UNC5C: variants seen among roughly 807,000 people sequenced by gnomAD.
The protein encoded by UNC5C is unc-5 netrin receptor C.
UNC5C carries 47 observed loss-of-function variants against 99.8 expected under a neutral mutation model. The observed-to-expected ratio is 0.47, with a 90% confidence interval of 0.37 to 0.60. The LOEUF is 0.60. Ranked by LOEUF, UNC5C falls within the 20% of genes least tolerant of loss-of-function variation. The pLI is 0.00. For missense variants in UNC5C, 1,062 were observed against 1,165.9 expected (o/e 0.91, Z 1.30); for synonymous variants, 487 against 452.2 (o/e 1.08, Z -0.98).
At position 95,398,255 on chromosome 4, in the gene UNC5C, G is replaced by A. The variant is rs75041809; in HGVS notation, c.125-62624C>T. 7.9e-5 allele frequency among the ~76,000 whole-genome samples: 12 copies of A among 151,976 alleles called. No individual in the cohort carries two copies. In the East Asian group the frequency reaches 2.3e-3, roughly 29 times the overall value. On this transcript the variant is annotated intron_variant, in intron 1 of 15. Coordinates refer to ENST00000453304, the MANE Select transcript of UNC5C (RefSeq NM_003728.4). ...ATATCTTCCCAGAATATTATGGAAA[G>A]GTATCCTCTATTGCTGAATAATTGA... is the stretch of plus-strand genomic sequence containing the variant.
chr4:95,192,691 C>T (rs1360123005), intron 12 of UNC5C, among the ~76,000 whole-genome samples: 1 of 151,272 alleles, frequency 6.6e-6, no homozygotes, highest in Non-Finnish European at 1.5e-5. Context: ...GTTCACCCTC[C>T]TCCCCTGCTC....
At chr4:95,198,178 GGGGTTTCACCATGTT>G (rs1268146403) in intron 12 of UNC5C, among the ~76,000 whole-genome samples, 2 of 151,884 alleles carry the variant, frequency 1.3e-5, no homozygotes, top group Admixed American at 1.3e-4. Flanking sequence ...CAGTAGAGAC[GGGGTTTCACCATGTT>G]GGCCAGGCTG....
At chr4:95,245,223 A>C in intron 5 of UNC5C, 79 bp from the exon 6 acceptor site, 1 of 1,393,430 alleles carries the variant, frequency 7.2e-7, no homozygotes, top group African/African-American at 1.5e-5. Context: ...AACAGACACA[A>C]TATGTAAACA....
At chr4:95,334,584 T>G (rs1480455270) in intron 2 of UNC5C, among the ~76,000 whole-genome samples, 2 of 151,970 alleles carry the variant, frequency 1.3e-5, no homozygotes, top group East Asian at 3.9e-4. Context: ...TGTTTCCAAT[T>G]TAAAAGAACT....
At position 95,220,162 on chromosome 4, in the gene UNC5C, C is replaced by T; in HGVS notation, c.1123G>A (p.Asp375Asn). ...ATCCCAACATAGAGAGCAACATCAT[C>T]TGAATCAGGAGCAGCTAGAGAGGAG... ...GLCMQTAPDSDDVALYVGIVI... is the reference protein window; with the variant it reads ...GLCMQTAPDSNDVALYVGIVI... Residue 375 changes from aspartate to asparagine, a missense_variant, in exon 8 of 16, where the codon GAT (aspartate) becomes AAT (asparagine). Coordinates refer to ENST00000453304, the MANE Select transcript of UNC5C (RefSeq NM_003728.4). 6.2e-7 allele frequency: 1 copy of T among 1,613,340 alleles called. No homozygotes were observed. Among genetic ancestry groups the T allele is most frequent in the African/African-American group, 1.3e-5 (1 of 75,028 alleles).
At position 95,213,692 on chromosome 4, in the gene UNC5C, C is replaced by G. The variant is rs1380078776; in HGVS notation, c.1733+2432G>C. ...CAGTTTGGGATGCAATAAAAGTAAT[C>G]AGAGAGAAGGAAAATGGAGAAAAAT... is the stretch of plus-strand genomic sequence containing the variant. On this transcript the variant is annotated intron_variant, in intron 10 of 15. Transcript: ENST00000453304. 3.3e-5 allele frequency among the ~76,000 whole-genome samples: 5 copies of G among 152,178 alleles called. No homozygotes were observed. The South Asian group carries it at 1.0e-3, about 32-fold the overall frequency.
intron 1 of UNC5C, among the ~76,000 whole-genome samples, chr4:95,376,355 T>C (rs771414368): frequency 7.4e-4 from 112 of 152,240 alleles, no homozygotes; most frequent in Non-Finnish European, 1.2e-3. Context: ...GCAGGTTATA[T>C]GATATTAGAG....
chr4:95,475,549 G>GGATA (rs371547165), intron 1 of UNC5C, among the ~76,000 whole-genome samples: 1 of 151,330 alleles, frequency 6.6e-6, no homozygotes, highest in South Asian at 2.1e-4. Context: ...ACAGACAGAT[G>GGATA]GATAGATAGA....
At chr4:95,397,954 A>G (rs1279404406) in intron 1 of UNC5C, among the ~76,000 whole-genome samples, 3 of 151,018 alleles carry the variant, frequency 2.0e-5, no homozygotes, top group East Asian at 2.0e-4. Context: ...TCATAATTCA[A>G]TGTGTCCAGT....
chr4:95,187,257 C>T (rs1432108931), intron 12 of UNC5C, among the ~76,000 whole-genome samples: 3 of 151,842 alleles, frequency 2.0e-5, no homozygotes, highest in Non-Finnish European at 4.4e-5. Flanking sequence ...ACAGTCATGC[C>T]AATCAATCAG....
At chr4:95,355,383 C>T (rs1238415030) in intron 1 of UNC5C, among the ~76,000 whole-genome samples, 1 of 152,080 alleles carries the variant, frequency 6.6e-6, no homozygotes, top group Non-Finnish European at 1.5e-5. Flanking sequence ...TACACTTGAG[C>T]TCTAGTACTC....
intron 4 of UNC5C, among the ~76,000 whole-genome samples, chr4:95,264,154 A>C (rs1333534966): frequency 6.6e-6 from 1 of 152,182 alleles, no homozygotes; most frequent in African/African-American, 2.4e-5. Flanking sequence ...TGTAAGGAAC[A>C]ATCTTCACAT....
intron 12 of UNC5C, among the ~76,000 whole-genome samples, chr4:95,198,062 A>G (rs1037162527): frequency 1.4e-5 from 2 of 140,274 alleles, no homozygotes; most frequent in Non-Finnish European, 3.0e-5. Context: ...ATCTCTGCTC[A>G]CTGCAGCCTC....
chr4:95,434,017 A>G (rs985053275), intron 1 of UNC5C, among the ~76,000 whole-genome samples: 1 of 152,046 alleles, frequency 6.6e-6, no homozygotes, highest in Non-Finnish European at 1.5e-5. Context: ...CATATAGATT[A>G]TGTCTTCCCA....
chr4:95,418,606 A>G (rs751597191), intron 1 of UNC5C, among the ~76,000 whole-genome samples: 19 of 152,192 alleles, frequency 1.2e-4, no homozygotes, highest in Admixed American at 9.2e-4. Flanking sequence ...TAATAACATG[A>G]ATATCATTTA....
At chr4:95,330,505 C>G (rs1217444373) in intron 2 of UNC5C, among the ~76,000 whole-genome samples, 2 of 151,972 alleles carry the variant, frequency 1.3e-5, no homozygotes, top group East Asian at 1.9e-4. Context: ...CATAGCTATT[C>G]TAAATGACAT....
chr4:95,459,566 T>C (rs1747541781), intron 1 of UNC5C, among the ~76,000 whole-genome samples: 2 of 152,166 alleles, frequency 1.3e-5, no homozygotes, highest in Admixed American at 6.5e-5. Context: ...ATGTATACAA[T>C]AGACTATAAT....
chr4:95,456,643 A>G (rs1254878765), intron 1 of UNC5C, among the ~76,000 whole-genome samples: 2 of 152,134 alleles, frequency 1.3e-5, no homozygotes, highest in African/African-American at 4.8e-5. Context: ...AAATTCAAGG[A>G]CGTAACCAAA....
intron 4 of UNC5C, among the ~76,000 whole-genome samples, chr4:95,258,861 A>C (rs1178690433): frequency 7.0e-6 from 1 of 142,220 alleles, no homozygotes; most frequent in Non-Finnish European, 1.5e-5. Context: ...TCCCGGGTTC[A>C]CGCCATTCTC....
Sources: allele counts gnomAD v4.1 joint callset (sites outside exome capture counted in the v4.1 genomes callset), GRCh38; gene constraint gnomAD v4.1.1; transcripts MANE v1.5; gene names NCBI Gene and HGNC (gene_info 2026-07-23, HGNC 2026-07-21).